ROBO1: variants seen among roughly 807,000 people sequenced by gnomAD.
The protein encoded by ROBO1 is roundabout guidance receptor 1.
In ROBO1, 149 loss-of-function variants were observed where a neutral mutation model predicts 195.9. The ratio of observed to expected loss-of-function variants is 0.76; its 90% CI spans 0.67 to 0.87. The LOEUF is 0.87. Among genes scored for constraint, ROBO1 ranks in the 40% least tolerant of loss-of-function variants. The pLI is 0.00. For missense variants in ROBO1, 1,933 were observed against 2,068.3 expected, an observed-to-expected ratio of 0.93 and a Z score of 1.27; for synonymous variants, 816 against 733.2, an observed-to-expected ratio of 1.11 and a Z score of -1.82.
chr3:79,212,008 A>T (rs980380520), intron 2 of ROBO1, among the ~76,000 whole-genome samples: 1 of 152,230 alleles, frequency 6.6e-6, no homozygotes, highest in African/African-American at 2.4e-5. Context: ...CGGGAAACAA[A>T]GGGATGGGCC....
At chr3:79,016,072 G>A (rs1336620899) in intron 3 of ROBO1, among the ~76,000 whole-genome samples, 2 of 152,148 alleles carry the variant, frequency 1.3e-5, no homozygotes, top group Non-Finnish European at 2.9e-5. Context: ...TAGGCTTGGG[G>A]CAAGACATGA....
chr3:79,301,066 C>A (rs1341691311), intron 2 of ROBO1, among the ~76,000 whole-genome samples: 1 of 152,138 alleles, frequency 6.6e-6, no homozygotes, highest in Non-Finnish European at 1.5e-5. Context: ...GGTCACCTTC[C>A]ACGCTGTGGA....
rs147622816 is a variant in ROBO1, at chr3:78,913,163, A to G, written c.499+25438T>C. Among the ~76,000 whole-genome samples the G allele has an allele frequency of 7.8e-3, 1,188 of 152,276 alleles. 8 individuals carry two copies. Among genetic ancestry groups the G allele is most frequent in the Non-Finnish European group, 0.013 (883 of 67,994 alleles). On this transcript the variant is annotated intron_variant, in intron 4 of 30. Transcript: ENST00000464233. ...TAAATGTGCATTTCTACGATGGAAT[A>G]AATGGAGTAGAAATGTGCATCATAT...
intron 2 of ROBO1, among the ~76,000 whole-genome samples, chr3:79,501,835 A>C (rs1282047593): frequency 6.6e-6 from 1 of 152,178 alleles, no homozygotes; most frequent in African/African-American, 2.4e-5. Context: ...TGTGATCTCC[A>C]CTTATGAATA....
At chr3:79,084,253 CT>C (rs2079326527) in intron 3 of ROBO1, among the ~76,000 whole-genome samples, 1 of 152,140 alleles carries the variant, frequency 6.6e-6, no homozygotes, top group South Asian at 2.1e-4. Context: ...AATCCCAGCA[CT>C]TCGGGAGGCT....
At position 78,635,315 on chromosome 3, in the gene ROBO1, T is replaced by C. The variant is rs374270797; in HGVS notation, c.3373+458A>G. 2.2e-4 allele frequency among the ~76,000 whole-genome samples: 33 copies of C among 152,300 alleles called. No individual in the cohort carries two copies. In the East Asian group the frequency reaches 6.0e-3, roughly 28 times the overall value. On this transcript the variant is annotated intron_variant, in intron 23 of 30. Coordinates refer to ENST00000464233, the MANE Select transcript of ROBO1 (RefSeq NM_002941.4). ...ACGAGGTGGGAGACATACAACAAAT[T>C]GAACCACTTCTCCAGTTCAAGTTTA...
At chr3:79,372,595 C>G (rs2036239512) in intron 2 of ROBO1, among the ~76,000 whole-genome samples, 1 of 152,074 alleles carries the variant, frequency 6.6e-6, no homozygotes, top group East Asian at 1.9e-4. Flanking sequence ...TTCCCCCCTA[C>G]CCCTCAGAAA....
chr3:79,646,288 G>C (rs182961590), intron 1 of ROBO1, among the ~76,000 whole-genome samples: 1 of 152,010 alleles, frequency 6.6e-6, no homozygotes, highest in Non-Finnish European at 1.5e-5. Context: ...ACACACAAAT[G>C]TCCAACAGGT....
intron 2 of ROBO1, among the ~76,000 whole-genome samples, chr3:79,295,589 A>C (rs890975944): frequency 2.0e-5 from 3 of 152,154 alleles, no homozygotes; most frequent in Non-Finnish European, 2.9e-5. Flanking sequence ...CTGAACTTAA[A>C]GTATAATAAT....
rs866332096 is a variant in ROBO1, at chr3:78,686,727, G to T, written c.1171-810C>A. On this transcript the variant is annotated intron_variant, in intron 9 of 30. Coordinates refer to ENST00000464233, the MANE Select transcript of ROBO1 (RefSeq NM_002941.4). Reference sequence around the variant, plus strand: ...ACAAATTTTGACACATTAAATTCAAGGATACCATTTTGGCACCACAATAAG... The same window carrying T: ...ACAAATTTTGACACATTAAATTCAATGATACCATTTTGGCACCACAATAAG... 2.0e-5 allele frequency among the ~76,000 whole-genome samples: 3 copies of T among 151,984 alleles called. No individual in the cohort carries two copies. In the South Asian group the frequency reaches 6.2e-4, roughly 31 times the overall value.
At chr3:78,961,239 T>TGAACCAA (rs2041330936) in intron 3 of ROBO1, among the ~76,000 whole-genome samples, 1 of 151,966 alleles carries the variant, frequency 6.6e-6, no homozygotes, top group Non-Finnish European at 1.5e-5. Context: ...AATTGTAAAT[T>TGAACCAA]TTTCATACAA....
chr3:79,252,174 A>G (rs962787098), intron 2 of ROBO1, among the ~76,000 whole-genome samples: 1 of 152,122 alleles, frequency 6.6e-6, no homozygotes, highest in African/African-American at 2.4e-5. Flanking sequence ...TATTGAAATT[A>G]TTAATATTAA....
rs182445455 is a variant in ROBO1 at position 79,672,582 on chromosome 3, C to T, written c.-50-82621G>A. On this transcript the variant is annotated intron_variant, in intron 1 of 30. Transcript: ENST00000464233. The stretch of plus-strand genomic sequence containing the variant: ...CTCTTATTTTTTAGTTAGAAGACTG[C>T]GTGAGGAATAATTTCATTCTACTAT... 9.2e-5 allele frequency among the ~76,000 whole-genome samples: 14 copies of T among 151,958 alleles called. No homozygotes were observed. In the East Asian group the frequency reaches 2.7e-3, roughly 30 times the overall value.
chr3:79,539,220 T>G (rs556386915), intron 2 of ROBO1, among the ~76,000 whole-genome samples: 1 of 152,148 alleles, frequency 6.6e-6, no homozygotes, highest in Non-Finnish European at 1.5e-5. Context: ...AAGTGCACAT[T>G]TAATACATTT....
At chr3:79,471,378 G>C (rs1938260524) in intron 2 of ROBO1, among the ~76,000 whole-genome samples, 1 of 151,970 alleles carries the variant, frequency 6.6e-6, no homozygotes, top group African/African-American at 2.4e-5. Context: ...CTATAAAACA[G>C]GAAAAATATT....
intron 2 of ROBO1, among the ~76,000 whole-genome samples, chr3:79,469,771 T>C (rs1405568237): frequency 6.6e-6 from 1 of 152,210 alleles, no homozygotes; most frequent in East Asian, 1.9e-4. Flanking sequence ...CTACTTCATT[T>C]CAAAATATAA....
chr3:79,438,740 C>T (rs556696106), intron 2 of ROBO1, among the ~76,000 whole-genome samples: 1 of 152,020 alleles, frequency 6.6e-6, no homozygotes, highest in African/African-American at 2.4e-5. Context: ...TCCTTCATTT[C>T]TATTTACATA....
At chr3:79,693,007 A>C (rs1468051801) in intron 1 of ROBO1, among the ~76,000 whole-genome samples, 1 of 151,818 alleles carries the variant, frequency 6.6e-6, no homozygotes, top group African/African-American at 2.4e-5. Context: ...GATCCATTGC[A>C]TAAGGTCAGG....
intron 2 of ROBO1, among the ~76,000 whole-genome samples, chr3:79,145,372 T>TACACACACAC (rs71127376): frequency 1.4e-5 from 1 of 72,962 alleles, no homozygotes; most frequent in Non-Finnish European, 2.6e-5. Flanking sequence ...CACACACACA[T>TACACACACAC]ACACACACAC....
Sources: gnomAD v4.1 joint callset for allele counts (sites outside exome capture counted in the v4.1 genomes callset) on GRCh38, gnomAD v4.1.1 for gene constraint, MANE v1.5 for transcripts, NCBI Gene and HGNC (gene_info 2026-07-23, HGNC 2026-07-21) for gene names.